Variants in ZNF737 observed in about 807,000 individuals in gnomAD.
ZNF737 encodes zinc finger protein 737, also known as zinc finger protein 102 (Y3).
A neutral mutation model predicts 11.7 loss-of-function variants in ZNF737; 13 were observed. That is an observed-to-expected ratio of 1.11 (90% CI 0.73 to 1.77). The LOEUF (loss-of-function observed/expected upper bound fraction) is 1.77. Among genes scored for constraint, ZNF737 ranks in the 40% most tolerant of loss-of-function variants. The pLI is 0.00. For synonymous variants in ZNF737, 217 were observed against 216.2 expected, an observed-to-expected ratio of 1.00 and a Z score of -0.03; for missense variants, 636 against 638.0, an observed-to-expected ratio of 1.00 and a Z score of 0.03.
rs1555756922 is a variant in ZNF737, at chr19:20,545,863, T to A, written c.340A>T (p.Lys114Ter). The change falls in exon 4 of 4, where the codon AAA becomes TAA. Residue 114 changes from lysine to a stop codon, truncating the protein, a stop_gained. Coordinates refer to ENST00000427401, the MANE Select transcript of ZNF737 (RefSeq NM_001159293.2). LOFTEE classifies it low-confidence loss of function (END_TRUNC). ...ENYGHDNLQF[K>*]KGCESVDECK... ...TCATCTACACTTTCACAGCCCTTTT[T>A]AAACTGTAAATTGTCATGTCCATAG... The A allele has an allele frequency of 6.2e-7, 1 of 1,613,346 alleles. No homozygotes were observed. The highest frequency in any genetic ancestry group is 1.7e-5 in the Admixed American group (1 of 59,870).
In ZNF737 at chr19:20,542,803, T is replaced by G. The variant is rs782349317; in HGVS notation, c.*1789A>C. The stretch of plus-strand genomic sequence containing the variant: ...ATAATGTAAAAAAATCGAATATCTC[T>G]GATGCAGAAGCCACTGATCACATGC... On this transcript the variant is annotated 3_prime_UTR_variant, in exon 4 of 4. Transcript: ENST00000427401. 1 of 985,356 alleles carries G rather than the reference T, an allele frequency of 1.0e-6. No homozygotes were observed. The highest frequency in any genetic ancestry group is 1.2e-6 in the Non-Finnish European group (1 of 829,882). The allele number at this position is 985,356 out of a possible 1,614,324, so 61.0% of individuals were successfully genotyped here.
chr19:20,545,826 T>C lies in ZNF737; in HGVS notation c.377A>G (p.His126Arg), dbSNP rs1255495017. 6.2e-7 allele frequency: 1 copy of C among 1,613,706 alleles called. No homozygotes were observed. The highest frequency in any genetic ancestry group is 1.1e-5 in the South Asian group (1 of 90,954). The change falls in exon 4 of 4, where the codon CAC (histidine) becomes CGC (arginine). Residue 126 changes from histidine (H) to arginine (R), a missense_variant. By Grantham distance (29) the His-to-Arg change is conservative (BLOSUM62 0). Coordinates refer to ENST00000427401, the MANE Select transcript of ZNF737 (RefSeq NM_001159293.2). ...GTTAAGTCCATTATAACCTCTTTTGTGCACCTTACACTCATCTACACTTTC... is the reference window on the plus strand; with the variant it reads ...GTTAAGTCCATTATAACCTCTTTTGCGCACCTTACACTCATCTACACTTTC... ...GCESVDECKV[H>R]KRGYNGLNQY...
downstream of ZNF737, among the ~76,000 whole-genome samples, chr19:20,534,469 C>T (rs545793473): frequency 6.7e-6 from 1 of 149,268 alleles, no homozygotes; most frequent in Non-Finnish European, 1.5e-5. Context: ...ATCTATCTAT[C>T]TATCTATCTA....
At chr19:20,552,753 C>G (rs1555758917) in intron 2 of ZNF737, among the ~76,000 whole-genome samples, 183 bp from the exon 3 acceptor site, 1 of 152,010 alleles carries the variant, frequency 6.6e-6, no homozygotes, top group Admixed American at 6.6e-5. Flanking sequence ...GTTACTCACG[C>G]CTGTAATCCC....
intron 1 of ZNF737, 132 bp downstream of exon 1, chr19:20,565,506 G>T: frequency 6.7e-7 from 1 of 1,499,602 alleles, no homozygotes. Context: ...CTGAGGCCGA[G>T]CTGGGCAAGG....
rs936155918 is a variant in ZNF737, at chr19:20,538,205, C to T, written c.*6387G>A. 6 of 177,522 alleles carry T rather than the reference C, an allele frequency of 3.4e-5. No individual in the cohort carries two copies. In the Admixed American group the frequency reaches 3.9e-4, roughly 12 times the overall value. 11.0% of individuals were successfully genotyped at this position (177,522 alleles called of 1,614,324 possible). ...AACATTCTTAAATATCTGCTAAGCA[C>T]AATTAAAAAATCAATGTACTTTATG... is the stretch of plus-strand genomic sequence containing the variant. On this transcript the variant is annotated 3_prime_UTR_variant, in exon 4 of 4. Transcript: ENST00000427401.
In ZNF737 at chr19:20,539,453, G is replaced by C; in HGVS notation, c.*5139C>G. ...GCCTTTGTTTCTTGTTAGTCATCTG[G>C]CCATTTCTGTAAGTACGGCAATTAT... On this transcript the variant is annotated 3_prime_UTR_variant, in exon 4 of 4. Transcript: ENST00000427401. 1 of 985,330 alleles carries C rather than the reference G, an allele frequency of 1.0e-6. No individual in the cohort carries two copies. The highest frequency in any genetic ancestry group is 1.7e-5 in the African/African-American group (1 of 57,332). 61.0% of individuals were successfully genotyped at this position (985,330 alleles called of 1,614,324 possible).
At chr19:20,559,418 C>T (rs1304159451) in intron 1 of ZNF737, among the ~76,000 whole-genome samples, 1 of 151,604 alleles carries the variant, frequency 6.6e-6, no homozygotes, top group African/African-American at 2.4e-5. Flanking sequence ...GGCTAAGTAC[C>T]TGAAAAAAAT....
At chr19:20,535,580 C>T (rs1259823945), downstream of ZNF737, among the ~76,000 whole-genome samples, 2 of 149,804 alleles carry the variant, frequency 1.3e-5, no homozygotes, top group Non-Finnish European at 3.0e-5. Context: ...AGCTGGAGTG[C>T]AGTGGCACCA....
chr19:20,531,121 G>T (rs1422029282), downstream of ZNF737, among the ~76,000 whole-genome samples: 3 of 146,236 alleles, frequency 2.1e-5, no homozygotes, highest in Admixed American at 6.8e-5. Context: ...GCAGGCACTC[G>T]GCAGGCTGAG....
Position 20,539,224 on chromosome 19 carries a change from A to C in ZNF737, c.*5368T>G. The C allele has an allele frequency of 1.3e-6, 1 of 788,636 alleles. No homozygotes were observed. The highest frequency in any genetic ancestry group is 1.5e-6 in the Non-Finnish European group (1 of 650,690). 48.9% of individuals were successfully genotyped at this position (788,636 alleles called of 1,614,324 possible). ...AGAATCACTTGAACCAGGGAGGTGG[A>C]GGTTGCAGTGAGCTGAGCACGTACC... On this transcript the variant is annotated 3_prime_UTR_variant, in exon 4 of 4. Transcript: ENST00000427401.
At position 20,544,211 on chromosome 19, in the gene ZNF737, G is replaced by C; in HGVS notation, c.*381C>G. 9.8e-7 allele frequency: 1 copy of C among 1,025,490 alleles called. No homozygotes were observed. Among genetic ancestry groups the C allele is most frequent in the Non-Finnish European group, 1.2e-6 (1 of 855,276 alleles). The allele number at this position is 1,025,490 out of a possible 1,614,324, so 63.5% of individuals were successfully genotyped here. ...GATTTTTGTCCAGCATGAATTATGT[G>C]TAAGAAGGGTTCAGAACTTCCTAAA... On this transcript the variant is annotated 3_prime_UTR_variant, in exon 4 of 4. Coordinates refer to ENST00000427401, the MANE Select transcript of ZNF737 (RefSeq NM_001159293.2).
downstream of ZNF737, among the ~76,000 whole-genome samples, chr19:20,534,636 A>T (rs1389321165): frequency 1.3e-5 from 2 of 150,082 alleles, no homozygotes; most frequent in African/African-American, 2.5e-5. Flanking sequence ...TTTTCTGAAG[A>T]ATTTAAATAG....
At position 20,545,922 on chromosome 19, in the gene ZNF737, G is replaced by C. The variant is rs782371460; in HGVS notation, c.281C>G (p.Ser94Cys). The C allele has an allele frequency of 2.3e-5, 36 of 1,593,648 alleles. No homozygotes were observed. Among genetic ancestry groups the C allele is most frequent in the Non-Finnish European group, 3.1e-5 (36 of 1,173,130 alleles). The change falls in exon 4 of 4, where the codon TCT becomes TGT. Residue 94 changes from serine (S) to cysteine (C), a missense_variant. By Grantham distance (112) the Ser-to-Cys change is moderately radical (BLOSUM62 -1). Coordinates refer to ENST00000427401, the MANE Select transcript of ZNF737 (RefSeq NM_001159293.2). ...DLWPEQSIKDSFQKVTLRRYE... is the reference protein window; with the variant it reads ...DLWPEQSIKDCFQKVTLRRYE... ...TCTTCTCAGTGTCACTTTTTGGAAA[G>C]AATCTTTTATGCTCTGCTCTGGCCA...
Position 20,543,929 on chromosome 19 carries a change from A to T in ZNF737, c.*663T>A. The T allele has an allele frequency of 1.3e-6, 1 of 796,586 alleles. No homozygotes were observed. Among genetic ancestry groups the T allele is most frequent in the Non-Finnish European group, 1.5e-6 (1 of 658,514 alleles). 49.3% of individuals were successfully genotyped at this position (796,586 alleles called of 1,614,324 possible). A position where few individuals can be genotyped will look rare whatever the true frequency, so the allele number is the denominator to read the frequency against. ...GATCACCTGAGGTCAGGAGTTCGAGACCAGCCTGGCAAACATGGCGAAGTC... is the reference window on the plus strand; with the variant it reads ...GATCACCTGAGGTCAGGAGTTCGAGTCCAGCCTGGCAAACATGGCGAAGTC... On this transcript the variant is annotated 3_prime_UTR_variant, in exon 4 of 4. Transcript: ENST00000427401.
At chr19:20,556,869 G>T (rs1555761297) in intron 1 of ZNF737, among the ~76,000 whole-genome samples, 1 of 152,204 alleles carries the variant, frequency 6.6e-6, no homozygotes, top group African/African-American at 2.4e-5. Flanking sequence ...ACTGTGCTGG[G>T]TATAACACAT....
rs1968286685 is a variant in ZNF737, at chr19:20,543,113, T to G, written c.*1479A>C. Reference sequence around the variant, plus strand: ...TCTCTTGATATTTATATACAATCTATTTTGAATTAAATATTTTTTAATATT... The same window carrying G: ...TCTCTTGATATTTATATACAATCTAGTTTGAATTAAATATTTTTTAATATT... On this transcript the variant is annotated 3_prime_UTR_variant, in exon 4 of 4. Transcript: ENST00000427401. The G allele has an allele frequency of 4.2e-6, 4 of 954,574 alleles. No homozygotes were observed. Among genetic ancestry groups the G allele is most frequent in the Non-Finnish European group, 5.0e-6 (4 of 802,174 alleles). The allele number at this position is 954,574 out of a possible 1,614,324, so 59.1% of individuals were successfully genotyped here.
chr19:20,544,165 C>A lies in ZNF737; in HGVS notation c.*427G>T. The A allele has an allele frequency of 9.9e-7, 1 of 1,008,238 alleles. No homozygotes were observed. Among genetic ancestry groups the A allele is most frequent in the Non-Finnish European group, 1.2e-6 (1 of 844,084 alleles). 62.5% of individuals were successfully genotyped at this position (1,008,238 alleles called of 1,614,324 possible). ...TATTGAAAACTTGTTATAGGATTTG[C>A]CACATTCCTCAAACTTGTAGGATTT... On this transcript the variant is annotated 3_prime_UTR_variant, in exon 4 of 4. Transcript: ENST00000427401.
chr19:20,553,008 T>TCC (rs147043769), intron 2 of ZNF737, among the ~76,000 whole-genome samples: 1 of 130,562 alleles, frequency 7.7e-6, no homozygotes, highest in Non-Finnish European at 1.6e-5. Context: ...TGAGACTCTG[T>TCC]CCCCGAAAAA....
Sources: gnomAD v4.1 joint callset for allele counts (sites outside exome capture counted in the v4.1 genomes callset) on GRCh38, gnomAD v4.1.1 for gene constraint, MANE v1.5 for transcripts, NCBI Gene and HGNC (gene_info 2026-07-23, HGNC 2026-07-21) for gene names.